The following IGF1R variants were observed in gnomAD, a reference collection of about 807,000 sequenced individuals.
IGF1R encodes insulin like growth factor 1 receptor, also known as insulin-like growth factor 1 receptor.
IGF1R carries 44 observed loss-of-function variants against 144.6 expected under a neutral mutation model. The observed-to-expected ratio is 0.30, with a 90% CI of 0.24 to 0.39. IGF1R has a LOEUF of 0.39. Among genes scored for constraint, IGF1R ranks in the 10% least tolerant of loss-of-function variants. The pLI, the probability that IGF1R is intolerant of heterozygous loss-of-function variation, is 1.00. For synonymous variants in IGF1R, 795 were observed against 722.8 expected, an observed-to-expected ratio of 1.10 and a Z score of -1.60; for missense variants, 1,355 against 1,833.7, an observed-to-expected ratio of 0.74 and a Z score of 4.77.
rs535223350 is a variant in IGF1R at position 98,865,519 on chromosome 15, C to T, written c.641-25806C>T. ...CACGCCCACCGTCCCTCACGTGGTC[C>T]CAGGCCACGCTGGGCTTCGGCATGT... On this transcript the variant is annotated intron_variant, in intron 2 of 20. Coordinates refer to ENST00000650285, the MANE Select transcript of IGF1R (RefSeq NM_000875.5). Among the ~76,000 whole-genome samples the T allele has an allele frequency of 5.3e-4, 80 of 152,278 alleles. No homozygotes were observed. The East Asian group carries it at 0.015, about 28-fold the overall frequency.
At chr15:98,652,461 T>C (rs906011471) in intron 1 of IGF1R, among the ~76,000 whole-genome samples, 1 of 152,228 alleles carries the variant, frequency 6.6e-6, no homozygotes, top group African/African-American at 2.4e-5. Flanking sequence ...CAGCAAATTA[T>C]AGTTTAGATC....
chr15:98,918,981 A>C (rs1314587627), intron 10 of IGF1R, among the ~76,000 whole-genome samples: 5 of 152,106 alleles, frequency 3.3e-5, no homozygotes, highest in Non-Finnish European at 7.3e-5. Context: ...GGTGTGTGGC[A>C]GGGCTTTGAA....
chr15:98,859,095 T>C (rs2011999591), intron 2 of IGF1R, among the ~76,000 whole-genome samples: 1 of 150,316 alleles, frequency 6.7e-6, no homozygotes, highest in Non-Finnish European at 1.5e-5. Context: ...AAAAAAAAAG[T>C]CCAAACTTTT....
intron 2 of IGF1R, among the ~76,000 whole-genome samples, chr15:98,868,010 G>C (rs2012546062): frequency 6.6e-6 from 1 of 152,130 alleles, no homozygotes; most frequent in African/African-American, 2.4e-5. Flanking sequence ...AGACTAGCCT[G>C]GCCAACGTGA....
chr15:98,705,681 TTTGA>T (rs1249145677), intron 1 of IGF1R, among the ~76,000 whole-genome samples: 4 of 152,222 alleles, frequency 2.6e-5, no homozygotes, highest in Non-Finnish European at 5.9e-5. Context: ...AGTTTCTGTC[TTTGA>T]TTGTAATGTA....
chr15:98,875,190 A>G (rs954069790), intron 2 of IGF1R, among the ~76,000 whole-genome samples: 2 of 143,222 alleles, frequency 1.4e-5, no homozygotes, highest in African/African-American at 5.3e-5. Context: ...CAAAGTTCCT[A>G]CAAAGCTTAT....
intron 2 of IGF1R, among the ~76,000 whole-genome samples, chr15:98,801,694 G>A (rs907807): frequency 0.82 from 124,609 of 152,236 alleles, 51,690 homozygotes; most frequent in Non-Finnish European, 0.88. Flanking sequence ...GTAGCTATGT[G>A]TATGGAGTAT....
chr15:98,819,376 T>G (rs1024467124), intron 2 of IGF1R, among the ~76,000 whole-genome samples: 3 of 152,158 alleles, frequency 2.0e-5, no homozygotes, highest in Non-Finnish European at 4.4e-5. Flanking sequence ...GTGATGATAT[T>G]AGGAGCTGGG....
chr15:98,797,022 G>A lies in IGF1R; in HGVS notation c.640+88915G>A, dbSNP rs150228319. On this transcript the variant is annotated intron_variant, in intron 2 of 20. Coordinates refer to ENST00000650285, the MANE Select transcript of IGF1R (RefSeq NM_000875.5). ...TTTGGGGGTGTGGTGCTATGCTGGCGTTTGGGTCCATGCCCCGCATTTCTG... is the reference window on the plus strand; with the variant it reads ...TTTGGGGGTGTGGTGCTATGCTGGCATTTGGGTCCATGCCCCGCATTTCTG... 6.6e-5 allele frequency among the ~76,000 whole-genome samples: 10 copies of A among 152,298 alleles called. No individual in the cohort carries two copies. In the East Asian group the frequency reaches 1.2e-3, roughly 18 times the overall value.
intron 6 of IGF1R, among the ~76,000 whole-genome samples, chr15:98,910,067 T>G (rs751490922): frequency 6.6e-6 from 1 of 152,096 alleles, no homozygotes; most frequent in Non-Finnish European, 1.5e-5. Context: ...AACCGATGCG[T>G]GTTTGGCTTT....
rs868363511 is a variant in IGF1R at position 98,649,405 on chromosome 15, C to T, written c.-177C>T. ...CGCGCCGCCCGCCCCGTCCGCGCAC[C>T]CGGAGGGCCCCGGCGGCGCCGCCTT... On this transcript the variant is annotated 5_prime_UTR_variant, in exon 1 of 21. Coordinates refer to ENST00000650285, the MANE Select transcript of IGF1R (RefSeq NM_000875.5). The T allele has an allele frequency of 5.3e-6, 2 of 378,728 alleles. No individual in the cohort carries two copies. Among genetic ancestry groups the T allele is most frequent in the African/African-American group, 2.1e-5 (1 of 47,148 alleles). The allele number at this position is 378,728 out of a possible 1,614,324, so 23.5% of individuals were successfully genotyped here.
At chr15:98,687,725 A>G (rs988542642) in intron 1 of IGF1R, among the ~76,000 whole-genome samples, 2 of 152,216 alleles carry the variant, frequency 1.3e-5, no homozygotes, top group Non-Finnish European at 2.9e-5. Context: ...CTTGGCATAG[A>G]AGCCAAAGCA....
chr15:98,874,725 G>T (rs890991826), intron 2 of IGF1R, among the ~76,000 whole-genome samples: 1 of 152,162 alleles, frequency 6.6e-6, no homozygotes, highest in Non-Finnish European at 1.5e-5. Flanking sequence ...CCTTCCATTG[G>T]GCATTCATCT....
intron 2 of IGF1R, among the ~76,000 whole-genome samples, chr15:98,757,031 T>G (rs188359059): frequency 6.6e-6 from 1 of 152,238 alleles, no homozygotes; most frequent in African/African-American, 2.4e-5. Flanking sequence ...ATTAAAAAAT[T>G]ATGCCCTTGG....
At position 98,846,936 on chromosome 15, in the gene IGF1R, AATT is replaced by A. The variant is rs566982939; in HGVS notation, c.641-44383_641-44381del. On this transcript the variant is annotated intron_variant, in intron 2 of 20. Transcript: ENST00000650285. ...CCCGGGAATATAGTGTATGGCTGCC[AATT>A]ATTATATTCCTTCATCAGACAAAGG... Among the ~76,000 whole-genome samples, 274 of 152,278 alleles carry A rather than the reference AATT, an allele frequency of 1.8e-3. 1 individual carries two copies. Among genetic ancestry groups the A allele is most frequent in the Non-Finnish European group, 3.3e-3 (227 of 68,002 alleles).
intron 1 of IGF1R, among the ~76,000 whole-genome samples, chr15:98,664,251 C>G (rs1201841923): frequency 6.6e-6 from 1 of 152,192 alleles, no homozygotes; most frequent in Non-Finnish European, 1.5e-5. Context: ...AGTCTTGTTT[C>G]ATGACACCAT....
intron 2 of IGF1R, among the ~76,000 whole-genome samples, chr15:98,863,429 CATT>C (rs2012266532): frequency 6.6e-6 from 1 of 152,162 alleles, no homozygotes; most frequent in Non-Finnish European, 1.5e-5. Flanking sequence ...TTCTGTTCCT[CATT>C]ATTCTTTCAC....
In IGF1R at chr15:98,875,535, A is replaced by G. The variant is rs917251737; in HGVS notation, c.641-15790A>G. Among the ~76,000 whole-genome samples the G allele has an allele frequency of 2.6e-5, 4 of 151,662 alleles. No homozygotes were observed. In the East Asian group the frequency reaches 7.8e-4, roughly 29 times the overall value. Reference sequence around the variant, plus strand: ...AAAGCATGTGGATGCATGGGCAGTTATGTGTATGAACTTTTTTTTTTTTTG... The same window carrying G: ...AAAGCATGTGGATGCATGGGCAGTTGTGTGTATGAACTTTTTTTTTTTTTG... On this transcript the variant is annotated intron_variant, in intron 2 of 20. Transcript: ENST00000650285.
intron 2 of IGF1R, among the ~76,000 whole-genome samples, chr15:98,790,736 T>C (rs777143634): frequency 2.0e-5 from 3 of 152,260 alleles, no homozygotes; most frequent in Non-Finnish European, 4.4e-5. Flanking sequence ...GAACTGAGTA[T>C]GTATTAAAAC....
Sources: allele counts gnomAD v4.1 joint callset (sites outside exome capture counted in the v4.1 genomes callset), GRCh38; gene constraint gnomAD v4.1.1; transcripts MANE v1.5; gene names NCBI Gene and HGNC (gene_info 2026-07-23, HGNC 2026-07-21).